The following STARD13 variants were observed in gnomAD, a reference collection of about 807,000 sequenced individuals.
STARD13 encodes the protein StAR related lipid transfer domain containing 13.
In STARD13, 62 loss-of-function variants were observed where a neutral mutation model predicts 106.4. The observed-to-expected ratio is 0.58, with a 90% confidence interval of 0.48 to 0.72. STARD13 has a LOEUF of 0.72. STARD13 is among the 30% of genes least tolerant of loss of function. STARD13 has a pLI of 0.00. For synonymous variants in STARD13, 565 were observed against 553.0 expected (o/e 1.02, Z -0.31); for missense variants, 1,387 against 1,424.0 (o/e 0.97, Z 0.42).
At chr13:33,224,688 G>A (rs544521048) in intron 1 of STARD13, among the ~76,000 whole-genome samples, 1 of 152,316 alleles carries the variant, frequency 6.6e-6, no homozygotes, top group East Asian at 1.9e-4. Flanking sequence ...ATGCCAAAAA[G>A]AGTTACATTA....
intron 1 of STARD13, among the ~76,000 whole-genome samples, chr13:33,298,569 G>A (rs1892592023): frequency 6.6e-6 from 1 of 151,584 alleles, no homozygotes; most frequent in African/African-American, 2.4e-5. Context: ...AGCTTCTTAG[G>A]GGCTCTCTTT....
At chr13:33,134,417 A>G (rs1287098497) in intron 4 of STARD13, among the ~76,000 whole-genome samples, 3 of 152,238 alleles carry the variant, frequency 2.0e-5, no homozygotes. Flanking sequence ...GAGTTTTGTC[A>G]GTAACTGGTT....
chr13:33,287,516 A>G (rs1280711330), upstream of STARD13, among the ~76,000 whole-genome samples: 1 of 152,170 alleles, frequency 6.6e-6, no homozygotes, highest in African/African-American at 2.4e-5. Context: ...CTTATTTAGG[A>G]TTTGAGCAGC....
At chr13:33,486,328 A>G in the STARD13 span, among the ~76,000 whole-genome samples, 2 of 152,148 alleles carry the variant, frequency 1.3e-5, no homozygotes, top group Non-Finnish European at 2.9e-5. Flanking sequence ...GATACATTTC[A>G]GGCATCCCAG....
Position 33,130,029 on chromosome 13 carries a change from A to G in STARD13, c.648T>C (p.Cys216=). ...SDSRSQPGQC[C]TDNPVMLDAP... The stretch of plus-strand genomic sequence containing the variant: ...CATCCAGCATGACCGGGTTGTCTGT[A>G]CAGCACTGGCCCGGCTGGCTGCGAC... The change falls in exon 5 of 14, where the codon TGT becomes TGC. Residue 216 remains cysteine (C), a synonymous_variant. Coordinates refer to ENST00000336934, the MANE Select transcript of STARD13 (RefSeq NM_178006.4). This position sits in a 1 kb window ranked among gnomAD's most constrained non-coding sequence, Gnocchi z 4.1. 6.2e-7 allele frequency: 1 copy of G among 1,613,544 alleles called. No homozygotes were observed.
the STARD13 span, chr13:33,359,520 C>G: frequency 2.4e-4 from 42 of 177,238 alleles, no homozygotes; most frequent in Non-Finnish European, 4.0e-4. Context: ...CCCACCAATT[C>G]CGGACACAAT....
intron 1 of STARD13, among the ~76,000 whole-genome samples, chr13:33,192,693 G>A (rs1886336469): frequency 6.6e-6 from 1 of 152,156 alleles, no homozygotes; most frequent in South Asian, 2.1e-4. Flanking sequence ...GAGGTCGGGA[G>A]TTCAAGACCA....
At chr13:33,317,796 CAATTT>C (rs1233366107) in intron 1 of STARD13, among the ~76,000 whole-genome samples, 1 of 152,108 alleles carries the variant, frequency 6.6e-6, no homozygotes, top group African/African-American at 2.4e-5. Flanking sequence ...TTTGTCTATT[CAATTT>C]ATTTTAGCTT....
chr13:33,481,378 T>C, the STARD13 span, among the ~76,000 whole-genome samples: 1 of 152,108 alleles, frequency 6.6e-6, no homozygotes, highest in Non-Finnish European at 1.5e-5. Context: ...ATATTAGATG[T>C]CTCTTAATGA....
At chr13:33,477,944 A>G in the STARD13 span, among the ~76,000 whole-genome samples, 3 of 152,316 alleles carry the variant, frequency 2.0e-5, no homozygotes, top group East Asian at 3.9e-4. Flanking sequence ...TGAAATTTCC[A>G]GGTCACTGCA....
chr13:33,187,255 C>G (rs1263500455), intron 1 of STARD13, among the ~76,000 whole-genome samples: 2 of 152,124 alleles, frequency 1.3e-5, no homozygotes, highest in Non-Finnish European at 2.9e-5. Flanking sequence ...CCCGCTCTAT[C>G]GGGGTCAGAC....
At chr13:33,434,366 A>AAAAG in the STARD13 span, among the ~76,000 whole-genome samples, 8 of 151,122 alleles carry the variant, frequency 5.3e-5, no homozygotes, top group African/African-American at 1.5e-4. Context: ...AAAAAAAAAA[A>AAAAG]AAAAAAAGAA....
chr13:33,436,651 A>G, the STARD13 span, among the ~76,000 whole-genome samples: 3 of 152,220 alleles, frequency 2.0e-5, no homozygotes, highest in South Asian at 6.2e-4. Context: ...GCTACAGTAG[A>G]TGTTTCTTTC....
At chr13:33,422,537 C>A in the STARD13 span, among the ~76,000 whole-genome samples, 2 of 152,252 alleles carry the variant, frequency 1.3e-5, no homozygotes, top group South Asian at 2.1e-4. Context: ...TTTATAGATT[C>A]AATGCCATCC....
chr13:33,183,876 C>A (rs7320932), intron 1 of STARD13, among the ~76,000 whole-genome samples: 8 of 152,184 alleles, frequency 5.3e-5, no homozygotes, highest in Non-Finnish European at 8.8e-5. Context: ...AATCATCCAG[C>A]CAGTCCAAGA....
At chr13:33,499,456 T>C in the STARD13 span, among the ~76,000 whole-genome samples, 1 of 152,146 alleles carries the variant, frequency 6.6e-6, no homozygotes, top group Non-Finnish European at 1.5e-5. Context: ...TATTCTCACA[T>C]GGCAGAGAGA....
chr13:33,514,669 G>C, the STARD13 span, among the ~76,000 whole-genome samples: 1 of 152,186 alleles, frequency 6.6e-6, no homozygotes, highest in Middle Eastern at 3.4e-3. Context: ...CCTCTAGCTG[G>C]ACCAGGCAAG....
At chr13:33,451,390 A>G in the STARD13 span, among the ~76,000 whole-genome samples, 3 of 152,166 alleles carry the variant, frequency 2.0e-5, no homozygotes, top group South Asian at 4.1e-4. Context: ...AAAGGAAGAG[A>G]TCGGACACAA....
intron 3 of STARD13, among the ~76,000 whole-genome samples, chr13:33,146,021 CAA>C (rs934265308): frequency 6.6e-6 from 1 of 151,346 alleles, no homozygotes; most frequent in African/African-American, 2.4e-5. Flanking sequence ...CCTGTCGCTA[CAA>C]AAAAAATATA....
Sources: allele counts gnomAD v4.1 joint callset (sites outside exome capture counted in the v4.1 genomes callset), GRCh38; gene constraint gnomAD v4.1.1; non-coding constraint Gnocchi (gnomAD v3.1); transcripts MANE v1.5; gene names NCBI Gene and HGNC (gene_info 2026-07-23, HGNC 2026-07-21).